The following SANBR variants were observed in gnomAD, a reference collection of about 807,000 sequenced individuals.
The protein encoded by SANBR is SANT and BTB domain regulator of CSR, also known as SANT and BTB domain regulator of class switch recombination.
A neutral mutation model predicts 101.8 loss-of-function variants in SANBR; 77 were observed. The observed-to-expected ratio is 0.76, with a 90% CI of 0.63 to 0.91. The LOEUF is 0.91. SANBR is among the 40% of genes least tolerant of loss of function. The probability of loss-of-function intolerance (pLI) is 0.00; values close to 1 mark genes in which losing one functional copy is unlikely to be tolerated. For synonymous variants in SANBR, 279 were observed against 274.7 expected, an observed-to-expected ratio of 1.02 and a Z score of -0.15; for missense variants, 875 against 853.0, an observed-to-expected ratio of 1.03 and a Z score of -0.32.
At chr2:61,113,398 C>T (rs1683927650) in intron 16 of SANBR, among the ~76,000 whole-genome samples, 1 of 152,074 alleles carries the variant, frequency 6.6e-6, no homozygotes, top group African/African-American at 2.4e-5. Context: ...TGTGTTGAAC[C>T]CATATACCAA....
chr2:61,136,895 G>T (rs1305256858), intron 21 of SANBR, among the ~76,000 whole-genome samples: 2 of 151,120 alleles, frequency 1.3e-5, no homozygotes, highest in Non-Finnish European at 2.9e-5. Context: ...GCTTGAACTT[G>T]GGAGGCGAAG....
intron 13 of SANBR, among the ~76,000 whole-genome samples, 192 bp downstream of exon 13, chr2:61,104,190 A>G (rs1683427134): frequency 6.6e-6 from 1 of 152,168 alleles, no homozygotes; most frequent in South Asian, 2.1e-4. Context: ...ACACTTAAAA[A>G]TACTGGAGGT....
At chr2:61,128,578 CA>C (rs1363240307), downstream of SANBR, among the ~76,000 whole-genome samples, 1 of 151,806 alleles carries the variant, frequency 6.6e-6, no homozygotes, top group African/African-American at 2.4e-5. Context: ...CTGCAACCTC[CA>C]CCTCCCAGGT....
intron 20 of SANBR, 122 bp downstream of exon 20, chr2:61,118,238 T>C: frequency 1.5e-6 from 1 of 678,920 alleles, no homozygotes; most frequent in Non-Finnish European, 2.4e-6. Flanking sequence ...TGTGTTTGTT[T>C]GTTTGTTTGT....
At chr2:61,072,770 T>C (rs1681542072) in intron 4 of SANBR, among the ~76,000 whole-genome samples, 1 of 149,312 alleles carries the variant, frequency 6.7e-6, no homozygotes, top group Non-Finnish European at 1.5e-5. Context: ...CCCTGTGCCC[T>C]TTACTTAATA....
intron 16 of SANBR, among the ~76,000 whole-genome samples, chr2:61,113,590 G>A (rs1432550179): frequency 2.0e-5 from 3 of 152,186 alleles, no homozygotes; most frequent in South Asian, 2.1e-4. Flanking sequence ...TATAAATGGA[G>A]TTGTTTTTCC....
intron 21 of SANBR, among the ~76,000 whole-genome samples, chr2:61,135,534 GA>G (rs1003852562): frequency 2.0e-5 from 3 of 152,186 alleles, no homozygotes; most frequent in African/African-American, 7.2e-5. Flanking sequence ...CAGACAGGTT[GA>G]AAACTATACT....
chr2:61,076,935 C>A lies in SANBR; in HGVS notation c.447C>A (p.Ile149=). 1 of 1,612,898 alleles carries A rather than the reference C, an allele frequency of 6.2e-7. No homozygotes were observed. Among genetic ancestry groups the A allele is most frequent in the Non-Finnish European group, 8.5e-7 (1 of 1,179,106 alleles). ...TTTTATGAAGGCCAAACATGGTGATCCATGTGTGTGATGAAGCAAAAAACT... is the reference window on the plus strand; with the variant it reads ...TTTTATGAAGGCCAAACATGGTGATACATGTGTGTGATGAAGCAAAAAACT... ...TEESEGPNMV[I]HVCDEAKNLK... The change falls in exon 6 of 22, where the codon ATC becomes ATA. Residue 149 remains isoleucine, a synonymous_variant. Coordinates refer to ENST00000402291, the MANE Select transcript of SANBR (RefSeq NM_001129993.3).
intron 16 of SANBR, among the ~76,000 whole-genome samples, chr2:61,112,464 C>A (rs1475050296): frequency 6.6e-6 from 1 of 151,778 alleles, no homozygotes; most frequent in Non-Finnish European, 1.5e-5. Context: ...CTCAATATTT[C>A]CCCTAGTCTA....
chr2:61,088,656 G>A (rs752685218), intron 10 of SANBR, 188 bp downstream of exon 10: 17 of 368,244 alleles, frequency 4.6e-5, no homozygotes, highest in South Asian at 6.9e-5. Flanking sequence ...GAGAAGCTGG[G>A]ACTACAGGCG....
chr2:61,110,018 G>A (rs892707469), intron 16 of SANBR, among the ~76,000 whole-genome samples: 3 of 151,970 alleles, frequency 2.0e-5, no homozygotes, highest in South Asian at 2.1e-4. Flanking sequence ...CATTAGTTCC[G>A]AGAAACAGCA....
chr2:61,079,059 ATAGTTATTT>A (rs1480703828), intron 6 of SANBR, among the ~76,000 whole-genome samples: 1 of 152,144 alleles, frequency 6.6e-6, no homozygotes, highest in Non-Finnish European at 1.5e-5. Flanking sequence ...AAAAGAAAAC[ATAGTTATTT>A]TAATAAAAAT....
At chr2:61,118,937 C>G (rs1316470650) in intron 20 of SANBR, among the ~76,000 whole-genome samples, 1 of 152,090 alleles carries the variant, frequency 6.6e-6, no homozygotes, top group African/African-American at 2.4e-5. Flanking sequence ...GTCTTATTAT[C>G]CATGGTCCAT....
At chr2:61,090,615 T>G (rs976976561) in intron 10 of SANBR, 3 of 153,014 alleles carry the variant, frequency 2.0e-5, no homozygotes, top group African/African-American at 4.8e-5. Context: ...ACTCCTGGAC[T>G]TTCAAGCAGT....
chr2:61,085,313 G>A (rs1164803714), intron 8 of SANBR, among the ~76,000 whole-genome samples: 1 of 151,762 alleles, frequency 6.6e-6, no homozygotes, highest in Non-Finnish European at 1.5e-5. Flanking sequence ...TTTTTTTGTG[G>A]TATGAGGTAG....
chr2:61,107,735 A>G (rs1478130969), intron 14 of SANBR, among the ~76,000 whole-genome samples: 1 of 152,120 alleles, frequency 6.6e-6, no homozygotes, highest in Non-Finnish European at 1.5e-5. Context: ...AAAATACAAA[A>G]TTTAGCTGGG....
In SANBR at chr2:61,134,277, G is replaced by A. The variant is rs367590453; in HGVS notation, c.*44+1G>A. Reference sequence around the variant, plus strand: ...GACTTGGAATACTGCTTGACATATCGTAAGTGCTCAAAAATGTTAGCTATT... The same window carrying A: ...GACTTGGAATACTGCTTGACATATCATAAGTGCTCAAAAATGTTAGCTATT... On this transcript the variant is annotated splice_donor_variant, in intron 21 of 21. Transcript: ENST00000295031. LOFTEE classifies it low-confidence loss of function (3UTR_SPLICE). 7.7e-6 allele frequency: 12 copies of A among 1,551,082 alleles called. No homozygotes were observed. Among genetic ancestry groups the A allele is most frequent in the African/African-American group, 5.5e-5 (4 of 73,222 alleles).
At chr2:61,116,544 T>G (rs1201644466) in intron 17 of SANBR, among the ~76,000 whole-genome samples, 1 of 152,160 alleles carries the variant, frequency 6.6e-6, no homozygotes, top group African/African-American at 2.4e-5. Context: ...AAAATAATTC[T>G]TATTTCTCCA....
chr2:61,071,856 C>G, intron 4 of SANBR, 64 bp downstream of exon 4: 1 of 980,542 alleles, frequency 1.0e-6, no homozygotes, highest in Non-Finnish European at 1.5e-6. Flanking sequence ...ATTATATATT[C>G]CAATCAACTT....
Sources: gnomAD v4.1 joint callset for allele counts (sites outside exome capture counted in the v4.1 genomes callset) on GRCh38, gnomAD v4.1.1 for gene constraint, MANE v1.5 for transcripts, NCBI Gene and HGNC (gene_info 2026-07-23, HGNC 2026-07-21) for gene names.